Variants in MKLN1 observed in about 807,000 individuals in gnomAD.
The protein encoded by MKLN1 is muskelin.
In MKLN1, 18 loss-of-function variants were observed where a neutral mutation model predicts 99.0. That is an observed-to-expected ratio of 0.18 (90% CI 0.13 to 0.27). The LOEUF is 0.27. Among genes scored for constraint, MKLN1 ranks in the 10% least tolerant of loss-of-function variants. The pLI, the probability that MKLN1 is intolerant of heterozygous loss-of-function variation, is 1.00. For missense variants in MKLN1, 621 were observed against 875.9 expected, an observed-to-expected ratio of 0.71 and a Z score of 3.67; for synonymous variants, 288 against 293.2, an observed-to-expected ratio of 0.98 and a Z score of 0.18.
chr7:131,210,026 G>A (rs1232219739), intron 3 of MKLN1, among the ~76,000 whole-genome samples: 1 of 152,096 alleles, frequency 6.6e-6, no homozygotes, highest in African/African-American at 2.4e-5. Context: ...CAAACATCTT[G>A]TTTATGAAAA....
intron 2 of MKLN1, among the ~76,000 whole-genome samples, chr7:131,149,226 T>C (rs1283726691): frequency 6.6e-6 from 1 of 152,258 alleles, no homozygotes; most frequent in Non-Finnish European, 1.5e-5. Context: ...ACGTTTGTTT[T>C]GATGGTGGCA....
At chr7:131,337,864 A>G (rs1799295895) in intron 1 of MKLN1, among the ~76,000 whole-genome samples, 1 of 152,050 alleles carries the variant, frequency 6.6e-6, no homozygotes, top group African/African-American at 2.4e-5. Context: ...CAGACATTAT[A>G]TGCAGAATTT....
At chr7:131,300,941 C>CG (rs1208539715) in intron 3 of MKLN1, among the ~76,000 whole-genome samples, 2 of 152,150 alleles carry the variant, frequency 1.3e-5, no homozygotes, top group Admixed American at 6.5e-5. Context: ...GCTGGCTTTT[C>CG]GGGAGAAATT....
At chr7:131,144,413 C>T (rs1006895377) in intron 2 of MKLN1, among the ~76,000 whole-genome samples, 2 of 149,714 alleles carry the variant, frequency 1.3e-5, no homozygotes, top group South Asian at 2.1e-4. Context: ...ACCTGGGAGG[C>T]GGAACTTGCA....
chr7:131,238,821 C>A (rs1157136966), intron 3 of MKLN1, among the ~76,000 whole-genome samples: 3 of 152,202 alleles, frequency 2.0e-5, no homozygotes, highest in Non-Finnish European at 2.9e-5. Flanking sequence ...CACTGACAGG[C>A]AATGACATCC....
rs540578083 is a variant in MKLN1 at position 131,227,197 on chromosome 7, G to A, written c.-179+24223G>A. Among the ~76,000 whole-genome samples the A allele has an allele frequency of 7.2e-5, 11 of 152,232 alleles. No individual in the cohort carries two copies. The South Asian group carries it at 1.9e-3, about 26-fold the overall frequency. ...GGACTCCTTCCCTGCTCTGCTCAGC[G>A]TCTTATCAGAACGTTCTTCCAGGGT... On this transcript the variant is annotated intron_variant, in intron 3 of 7. Coordinates refer to the MKLN1 transcript ENST00000416992.
At chr7:131,341,825 A>C (rs1799416017) in intron 1 of MKLN1, among the ~76,000 whole-genome samples, 1 of 152,220 alleles carries the variant, frequency 6.6e-6, no homozygotes, top group African/African-American at 2.4e-5. Flanking sequence ...CTCCTATGAG[A>C]GTCTAATGCC....
chr7:131,398,711 A>G (rs1308195816), intron 5 of MKLN1, among the ~76,000 whole-genome samples: 1 of 152,150 alleles, frequency 6.6e-6, no homozygotes, highest in Non-Finnish European at 1.5e-5. Flanking sequence ...AGAAAAAAAA[A>G]AAGATTAAAT....
intron 12 of MKLN1, among the ~76,000 whole-genome samples, chr7:131,454,655 A>G (rs1350818135): frequency 2.0e-5 from 3 of 152,210 alleles, no homozygotes; most frequent in Non-Finnish European, 4.4e-5. Context: ...TGATTAGTCT[A>G]AACCAGTCAT....
intron 12 of MKLN1, among the ~76,000 whole-genome samples, chr7:131,454,997 C>T (rs943135241): frequency 6.6e-6 from 1 of 152,192 alleles, no homozygotes; most frequent in Admixed American, 6.5e-5. Flanking sequence ...AATTAATCTA[C>T]TGTTAGTTAG....
chr7:131,477,008 A>T (rs1796986423), intron 16 of MKLN1, among the ~76,000 whole-genome samples: 1 of 152,198 alleles, frequency 6.6e-6, no homozygotes, highest in South Asian at 2.1e-4. Context: ...AATGATACTG[A>T]ATAACTGGAT....
At chr7:131,129,201 T>C (rs1201047890) in intron 1 of MKLN1, among the ~76,000 whole-genome samples, 3 of 152,172 alleles carry the variant, frequency 2.0e-5, no homozygotes, top group Non-Finnish European at 4.4e-5. Context: ...GTAAGAACTT[T>C]AAAATGATAT....
intron 1 of MKLN1, among the ~76,000 whole-genome samples, chr7:131,111,316 A>G (rs141643960): frequency 0.015 from 2,222 of 152,274 alleles, 58 homozygotes; most frequent in African/African-American, 0.05. Flanking sequence ...CATCGGGTTA[A>G]AGGCATTCTT....
At position 131,283,806 on chromosome 7, in the gene MKLN1, C is replaced by CAT. The variant is rs542790363; in HGVS notation, c.-179+80833_-179+80834dup. On this transcript the variant is annotated intron_variant, in intron 3 of 7. Coordinates refer to the MKLN1 transcript ENST00000416992. ...TTGAAGACTGTGAGTGTCCTTCCCA[C>CAT]ATGTTTTTATAGTTTTACTACACAA... 2.2e-4 allele frequency among the ~76,000 whole-genome samples: 33 copies of CAT among 152,306 alleles called. 1 individual carries two copies. In the South Asian group the frequency reaches 6.8e-3, roughly 32 times the overall value.
chr7:131,287,083 C>CA (rs1239774583), intron 3 of MKLN1, among the ~76,000 whole-genome samples: 1 of 151,370 alleles, frequency 6.6e-6, no homozygotes, highest in Admixed American at 6.6e-5. Context: ...ATCTGGGTAA[C>CA]AGAGTGAAAT....
chr7:131,212,640 T>G (rs561804959), intron 3 of MKLN1, among the ~76,000 whole-genome samples: 28 of 152,330 alleles, frequency 1.8e-4, no homozygotes, highest in South Asian at 6.2e-4. Context: ...AACAGCTACC[T>G]TAGCTGGGCG....
At chr7:131,144,146 G>T (rs1417461728) in intron 2 of MKLN1, among the ~76,000 whole-genome samples, 1 of 152,182 alleles carries the variant, frequency 6.6e-6, no homozygotes, top group Non-Finnish European at 1.5e-5. Context: ...CTGGTACACA[G>T]AAGGCACTCA....
At chr7:131,286,509 G>A (rs1219731810) in intron 3 of MKLN1, among the ~76,000 whole-genome samples, 1 of 152,042 alleles carries the variant, frequency 6.6e-6, no homozygotes, top group African/African-American at 2.4e-5. Flanking sequence ...TTCTGTTACA[G>A]GTACAAAAAA....
At chr7:131,175,176 A>AT (rs1349101035) in intron 2 of MKLN1, among the ~76,000 whole-genome samples, 4 of 96,292 alleles carry the variant, frequency 4.2e-5, no homozygotes, top group African/African-American at 1.8e-4. Flanking sequence ...ATTAGATTAG[A>AT]TAGATAGACA....
Sources: gnomAD v4.1 joint callset for allele counts (sites outside exome capture counted in the v4.1 genomes callset) on GRCh38, gnomAD v4.1.1 for gene constraint, MANE v1.5 for transcripts, NCBI Gene and HGNC (gene_info 2026-07-23, HGNC 2026-07-21) for gene names.